Variants in MYEF2 observed in about 807,000 individuals in gnomAD.
The protein encoded by MYEF2 is myelin expression factor 2.
A neutral mutation model predicts 75.2 loss-of-function variants in MYEF2; 37 were observed. The ratio of observed to expected loss-of-function variants is 0.49; its 90% CI spans 0.38 to 0.65. MYEF2 has a LOEUF of 0.65. Among genes scored for constraint, MYEF2 ranks in the 30% least tolerant of loss-of-function variants. The probability of loss-of-function intolerance (pLI) is 0.00; values close to 1 mark genes in which losing one functional copy is unlikely to be tolerated. For missense variants in MYEF2, 634 were observed against 771.4 expected (o/e 0.82, Z 2.11); for synonymous variants, 195 against 241.6 (o/e 0.81, Z 1.79).
At chr15:48,146,349 T>A (rs1004656540) in intron 16 of MYEF2, among the ~76,000 whole-genome samples, 3 of 151,894 alleles carry the variant, frequency 2.0e-5, no homozygotes, top group Non-Finnish European at 4.4e-5. Context: ...AGGAAAGATG[T>A]GTATCTTACC....
At chr15:48,172,390 G>A (rs2040373209) in intron 1 of MYEF2, among the ~76,000 whole-genome samples, 2 of 132,750 alleles carry the variant, frequency 1.5e-5, no homozygotes, top group African/African-American at 5.7e-5. Flanking sequence ...TACAGAGCAA[G>A]ACTCTGTATC....
At position 48,139,441 on chromosome 15, in the gene MYEF2, T is replaced by A; in HGVS notation, c.*3467A>T. On this transcript the variant is annotated 3_prime_UTR_variant, in exon 17 of 17. Coordinates refer to ENST00000324324, the MANE Select transcript of MYEF2 (RefSeq NM_016132.5). ...TATAAATGAAATCAAATTCATAGGA[T>A]GTCTTTTTATTATGCTAATAATTTA... 1 of 276,696 alleles carries A rather than the reference T, an allele frequency of 3.6e-6. No homozygotes were observed. The highest frequency in any genetic ancestry group is 6.8e-6 in the Non-Finnish European group (1 of 146,768). 17.1% of individuals were successfully genotyped at this position (276,696 alleles called of 1,614,324 possible). A position where few individuals can be genotyped will look rare whatever the true frequency, so the allele number is the denominator to read the frequency against.
chr15:48,147,542 T>C (rs2039333714), intron 16 of MYEF2, among the ~76,000 whole-genome samples: 1 of 151,942 alleles, frequency 6.6e-6, no homozygotes, highest in Admixed American at 6.6e-5. Flanking sequence ...CTTTCCTCTG[T>C]AGTCTACAGG....
Position 48,149,587 on chromosome 15 carries a change from T to C in MYEF2, c.1379-216A>G. ...CCAAAGAACAGAATTTGCTTACATA[T>C]ACATTTAGTTAGCTGAGAAATTCTA... On this transcript the variant is annotated intron_variant, in intron 14 of 16. Transcript: ENST00000324324. The surrounding 1 kb of genome is among the most constrained non-coding windows in gnomAD (Gnocchi z 4.0). The C allele has an allele frequency of 5.8e-6, 2 of 344,976 alleles. No individual in the cohort carries two copies. Among genetic ancestry groups the C allele is most frequent in the South Asian group, 6.9e-5 (1 of 14,510 alleles). 21.4% of individuals were successfully genotyped at this position (344,976 alleles called of 1,614,324 possible).
chr15:48,144,861 A>T (rs2039220936), intron 16 of MYEF2, among the ~76,000 whole-genome samples: 1 of 151,886 alleles, frequency 6.6e-6, no homozygotes, highest in Non-Finnish European at 1.5e-5. Context: ...TCCTTATCTT[A>T]ATTTTACCTA....
chr15:48,149,006 A>G lies in MYEF2; in HGVS notation c.1639+26T>C. On this transcript the variant is annotated intron_variant, in intron 16 of 16. Transcript: ENST00000324324. The surrounding 1 kb of genome is among the most constrained non-coding windows in gnomAD (Gnocchi z 4.0). ...ATTTTCCTCCATAATCAATATCAAC[A>G]TATCTGCAGTCATTTGCATACTTAC... The G allele has an allele frequency of 6.2e-7, 1 of 1,610,884 alleles. No individual in the cohort carries two copies. Among genetic ancestry groups the G allele is most frequent in the Non-Finnish European group, 8.5e-7 (1 of 1,177,666 alleles).
At chr15:48,153,532 C>T (rs2039575732) in intron 10 of MYEF2, 2 of 358,082 alleles carry the variant, frequency 5.6e-6, no homozygotes, top group Non-Finnish European at 1.0e-5. Flanking sequence ...CTCCTTCTGC[C>T]TTCAAGACAT....
In MYEF2 at chr15:48,166,029, T is replaced by TAA; in HGVS notation, c.432-5_432-4dup. The TAA allele has an allele frequency of 6.3e-7, 1 of 1,581,496 alleles. No individual in the cohort carries two copies. The highest frequency in any genetic ancestry group is 1.8e-5 in the Admixed American group (1 of 54,570). On this transcript the variant is annotated splice_region_variant and splice_polypyrimidine_tract_variant and intron_variant, in intron 4 of 16. Coordinates refer to ENST00000324324, the MANE Select transcript of MYEF2 (RefSeq NM_016132.5). The stretch of plus-strand genomic sequence containing the variant: ...CTTCATCTTTGAATTCAACCACACT[T>TAA]AATAGGGAAAAAATTTATAGGAAAT...
In MYEF2 at chr15:48,178,277, G is replaced by T; in HGVS notation, c.-40C>A. On this transcript the variant is annotated 5_prime_UTR_variant, in exon 1 of 17. Coordinates refer to ENST00000324324, the MANE Select transcript of MYEF2 (RefSeq NM_016132.5). Reference sequence around the variant, plus strand: ...CTCCGCCTCGGCCGCCTGAGCTGAGGGGCTCCGAGCGCGACAATGGCGGCT... The same window carrying T: ...CTCCGCCTCGGCCGCCTGAGCTGAGTGGCTCCGAGCGCGACAATGGCGGCT... 1 of 1,366,236 alleles carries T rather than the reference G, an allele frequency of 7.3e-7. No homozygotes were observed. Among genetic ancestry groups the T allele is most frequent in the Non-Finnish European group, 9.4e-7 (1 of 1,063,936 alleles). The allele number at this position is 1,366,236 out of a possible 1,614,324, so 84.6% of individuals were successfully genotyped here. A position where few individuals can be genotyped will look rare whatever the true frequency, so the allele number is the denominator to read the frequency against.
At chr15:48,168,552 G>T in intron 2 of MYEF2, 79 bp downstream of exon 2, 2 of 1,134,298 alleles carry the variant, frequency 1.8e-6, no homozygotes, top group Non-Finnish European at 2.6e-6. Context: ...GTGGCTCAGA[G>T]GAATAAAAAT....
chr15:48,145,892 C>G (rs1266457725), intron 16 of MYEF2, among the ~76,000 whole-genome samples: 1 of 151,834 alleles, frequency 6.6e-6, no homozygotes, highest in Admixed American at 6.6e-5. Context: ...TGCAATTTTA[C>G]TGTTAAGTTA....
chr15:48,147,832 C>T (rs899984170), intron 16 of MYEF2, among the ~76,000 whole-genome samples: 5 of 151,938 alleles, frequency 3.3e-5, no homozygotes, highest in African/African-American at 1.2e-4. Flanking sequence ...TAGGGCCTAA[C>T]AGACTGCCAA....
At chr15:48,173,523 G>A (rs554607980) in intron 1 of MYEF2, among the ~76,000 whole-genome samples, 64 of 152,138 alleles carry the variant, frequency 4.2e-4, no homozygotes, top group African/African-American at 1.5e-3. Context: ...AGACATAAAA[G>A]GCAACCAAAT....
At position 48,137,720 on chromosome 15, in the gene MYEF2, T is replaced by A. The variant is rs1206619146; in HGVS notation, c.*5188A>T. On this transcript the variant is annotated 3_prime_UTR_variant, in exon 17 of 17. Transcript: ENST00000324324. ...AAAAGGAACAAAGACACCTCCTATG[T>A]TTTAATCTTGACTGAGAAAATGGGA... is the stretch of plus-strand genomic sequence containing the variant. 6.6e-6 allele frequency: 1 copy of A among 151,992 alleles called. No homozygotes were observed. Among genetic ancestry groups the A allele is most frequent in the Non-Finnish European group, 1.5e-5 (1 of 67,980 alleles). 9.4% of individuals were successfully genotyped at this position (151,992 alleles called of 1,614,324 possible).
At position 48,165,998 on chromosome 15, in the gene MYEF2, C is replaced by T. The variant is rs2040119234; in HGVS notation, c.460G>A (p.Val154Ile). 1 of 1,598,072 alleles carries T rather than the reference C, an allele frequency of 6.3e-7. No individual in the cohort carries two copies. The highest frequency in any genetic ancestry group is 8.5e-7 in the Non-Finnish European group (1 of 1,171,124). Residue 154 changes from valine to isoleucine, a missense_variant, in exon 5 of 17, where the codon GTA becomes ATA. Val to Ile is a conservative substitution (Grantham distance 29). Coordinates refer to ENST00000324324, the MANE Select transcript of MYEF2 (RefSeq NM_016132.5). ...GVVEFKDEEFVKKALETMNKY... is the reference protein window; with the variant it reads ...GVVEFKDEEFIKKALETMNKY... ...TTCATAGTTTCTAGGGCTTTCTTTA[C>T]AAATTCTTCATCTTTGAATTCAACC...
In MYEF2 at chr15:48,149,516, AAAT is replaced by A; in HGVS notation, c.1379-148_1379-146del. On this transcript the variant is annotated intron_variant, in intron 14 of 16. Coordinates refer to ENST00000324324, the MANE Select transcript of MYEF2 (RefSeq NM_016132.5). This position sits in a 1 kb window ranked among gnomAD's most constrained non-coding sequence, Gnocchi z 4.0. ...GGGAAATTAATTTGTTTATATAATT[AAAT>A]AATATAAAAACATAAAATTATTTTC... 2.0e-6 allele frequency: 1 copy of A among 507,202 alleles called. No individual in the cohort carries two copies. Among genetic ancestry groups the A allele is most frequent in the Non-Finnish European group, 3.3e-6 (1 of 299,550 alleles). The allele number at this position is 507,202 out of a possible 1,614,324, so 31.4% of individuals were successfully genotyped here.
At chr15:48,144,838 G>C (rs1161565173) in intron 16 of MYEF2, among the ~76,000 whole-genome samples, 1 of 151,716 alleles carries the variant, frequency 6.6e-6, no homozygotes, top group Non-Finnish European at 1.5e-5. Flanking sequence ...GGGCTTTTAA[G>C]GTTAAAGGTT....
chr15:48,152,227 T>G lies in MYEF2; in HGVS notation c.1138+7A>C. 1 of 1,608,872 alleles carries G rather than the reference T, an allele frequency of 6.2e-7. No homozygotes were observed. Among genetic ancestry groups the G allele is most frequent in the Non-Finnish European group, 8.5e-7 (1 of 1,176,286 alleles). On this transcript the variant is annotated splice_region_variant and intron_variant, in intron 11 of 16. Coordinates refer to ENST00000324324, the MANE Select transcript of MYEF2 (RefSeq NM_016132.5). ...GTACATACAAAAAAACAAATCTTTA[T>G]ACATACCTCCTCCAATTCTATTCAT...
In MYEF2 at chr15:48,136,321, A is replaced by T. The variant is rs1336117765; in HGVS notation, c.*6587T>A. On this transcript the variant is annotated 3_prime_UTR_variant, in exon 17 of 17. Coordinates refer to ENST00000324324, the MANE Select transcript of MYEF2 (RefSeq NM_016132.5). ...TGTTGGGGAATGTATTATGCCAATG[A>T]GCTGAGGCAGAAAATGTTCACCACT... The T allele has an allele frequency of 6.0e-6, 1 of 165,638 alleles. No homozygotes were observed. Among genetic ancestry groups the T allele is most frequent in the Non-Finnish European group, 1.3e-5 (1 of 77,508 alleles). The allele number at this position is 165,638 out of a possible 1,614,324, so 10.3% of individuals were successfully genotyped here.
Sources: allele counts gnomAD v4.1 joint callset (sites outside exome capture counted in the v4.1 genomes callset), GRCh38; gene constraint gnomAD v4.1.1; non-coding constraint Gnocchi (gnomAD v3.1); transcripts MANE v1.5; gene names NCBI Gene and HGNC (gene_info 2026-07-23, HGNC 2026-07-21).